Variants in BAIAP2 observed in about 807,000 individuals in gnomAD.
BAIAP2 encodes BAR/IMD domain containing adaptor protein 2.
A neutral mutation model predicts 63.0 loss-of-function variants in BAIAP2; 18 were observed. The ratio of observed to expected loss-of-function variants is 0.29; its 90% CI spans 0.20 to 0.42. BAIAP2 has a LOEUF of 0.42. BAIAP2 is among the 10% of genes least tolerant of loss of function. The pLI is 1.00. For missense variants in BAIAP2, 610 were observed against 734.3 expected (o/e 0.83, Z 1.96); for synonymous variants, 386 against 307.6 (o/e 1.25, Z -2.67).
rs2047789860 is a variant in BAIAP2 at position 81,046,247 on chromosome 17, A to C, written c.55-7421A>C. On this transcript the variant is annotated intron_variant, in intron 1 of 13. Transcript: ENST00000428708. The surrounding 1 kb of genome is among the most constrained non-coding windows in gnomAD (Gnocchi z 4.5). Reference sequence around the variant, plus strand: ...AACCCTGCGCGCCGTTTCCTCCCAGAAACTTCCATGCATCCCCTCGTTTCC... The same window carrying C: ...AACCCTGCGCGCCGTTTCCTCCCAGCAACTTCCATGCATCCCCTCGTTTCC... 1.3e-5 allele frequency among the ~76,000 whole-genome samples: 2 copies of C among 152,044 alleles called. No homozygotes were observed. Among genetic ancestry groups the C allele is most frequent in the Non-Finnish European group, 2.9e-5 (2 of 67,988 alleles).
At chr17:81,066,091 A>G (rs865869073) in intron 3 of BAIAP2, among the ~76,000 whole-genome samples, 4 of 152,172 alleles carry the variant, frequency 2.6e-5, no homozygotes, top group Non-Finnish European at 5.9e-5. Flanking sequence ...GCCACGGAAC[A>G]CCTGAGCCAG....
At chr17:81,070,893 C>T (rs1037798642) in intron 3 of BAIAP2, among the ~76,000 whole-genome samples, 2 of 152,198 alleles carry the variant, frequency 1.3e-5, no homozygotes, top group Non-Finnish European at 2.9e-5. Context: ...TCCTTGGAGC[C>T]GGCGGGTTGG....
chr17:81,107,966 C>T (rs62073013), intron 12 of BAIAP2: 36,726 of 166,360 alleles, frequency 0.22, 4,793 homozygotes, highest in South Asian at 0.35. Flanking sequence ...CAGCCAGCCC[C>T]AGCGCCACAC....
intron 3 of BAIAP2, among the ~76,000 whole-genome samples, chr17:81,071,918 T>C (rs957498918): frequency 2.6e-5 from 4 of 152,258 alleles, no homozygotes; most frequent in Non-Finnish European, 1.5e-5. Flanking sequence ...TCTATGCCTC[T>C]GCAGAGTCTG....
At chr17:81,041,465 G>C (rs1393425013) in intron 1 of BAIAP2, among the ~76,000 whole-genome samples, 3 of 152,214 alleles carry the variant, frequency 2.0e-5, no homozygotes, top group Non-Finnish European at 2.9e-5. Context: ...GTTACAACAG[G>C]GTGCTTTTGC....
chr17:81,041,178 C>G (rs559005201), intron 1 of BAIAP2, among the ~76,000 whole-genome samples: 1 of 152,262 alleles, frequency 6.6e-6, no homozygotes, highest in Non-Finnish European at 1.5e-5. Context: ...CTTGGGCTTC[C>G]TGCCAGGCCT....
chr17:81,069,947 T>TTTGTTG (rs373352429), intron 3 of BAIAP2, among the ~76,000 whole-genome samples: 2,079 of 152,144 alleles, frequency 0.014, 44 homozygotes, highest in African/African-American at 0.047. Flanking sequence ...TTCTTGGTTT[T>TTTGTTG]TTGTTGTTGT....
chr17:81,057,914 C>A lies in BAIAP2; in HGVS notation c.164C>A (p.Ala55Asp). Residue 55 changes from alanine to aspartate, a missense_variant, in exon 3 of 14, where the codon GCC (alanine) becomes GAC (aspartate). Ala to Asp is a moderately radical substitution (Grantham distance 126). Transcript: ENST00000428708. ...VTYAAKGYFD[A>D]LVKMGELASE... is the part of the protein sequence containing the mutation. Reference sequence around the variant, plus strand: ...TATGCAGCCAAAGGCTACTTTGACGCCCTGGTGAAGATGGGGGAGCTGGCC... The same window carrying A: ...TATGCAGCCAAAGGCTACTTTGACGACCTGGTGAAGATGGGGGAGCTGGCC... 6.2e-7 allele frequency: 1 copy of A among 1,605,634 alleles called. No homozygotes were observed. Among genetic ancestry groups the A allele is most frequent in the Non-Finnish European group, 8.5e-7 (1 of 1,176,296 alleles).
In BAIAP2 at chr17:81,104,149, G is replaced by A. The variant is rs11658439; in HGVS notation, c.1066+41G>A. ...GGGTGTTGGGCTGGGGTCCCTGGAC[G>A]TGCCTCCTCAGACCCTACAGTCATG... On this transcript the variant is annotated intron_variant, in intron 9 of 13. Coordinates refer to ENST00000428708, the MANE Select transcript of BAIAP2 (RefSeq NM_001144888.2). The A allele has an allele frequency of 5.2e-3, 8,352 of 1,603,296 alleles. 31 individuals are homozygous for A. Among genetic ancestry groups the A allele is most frequent in the Non-Finnish European group, 6.6e-3 (7,796 of 1,172,766 alleles).
At chr17:81,056,330 C>T (rs1568086306) in intron 2 of BAIAP2, 1 of 152,190 alleles carries the variant, frequency 6.6e-6, no homozygotes. Flanking sequence ...AATCCAGAGT[C>T]CAGATGATCC....
intron 6 of BAIAP2, chr17:81,098,102 C>T (rs1283653225): frequency 9.5e-6 from 13 of 1,364,688 alleles, no homozygotes; most frequent in South Asian, 3.5e-5. Context: ...GAGGGGCCAG[C>T]GGGGGGTGGG....
chr17:81,036,781 T>A, intron 1 of BAIAP2: 1 of 1,230,500 alleles, frequency 8.1e-7, no homozygotes, highest in South Asian at 1.3e-5. Flanking sequence ...CTTGTTGCTC[T>A]GTGGAAGCAC....
chr17:81,039,234 G>A (rs903524655), intron 1 of BAIAP2, among the ~76,000 whole-genome samples: 4 of 152,270 alleles, frequency 2.6e-5, no homozygotes, highest in East Asian at 1.9e-4. Flanking sequence ...CACAAAGACC[G>A]GCTGCCGTGT....
At chr17:81,035,806 C>T (rs930965948) in intron 1 of BAIAP2, among the ~76,000 whole-genome samples, 2 of 152,112 alleles carry the variant, frequency 1.3e-5, no homozygotes, top group Non-Finnish European at 2.9e-5. Flanking sequence ...TGGGGCTCCT[C>T]CAGGCGCGGT....
At chr17:81,048,005 CAG>C (rs1271978143) in intron 1 of BAIAP2, among the ~76,000 whole-genome samples, 2 of 152,352 alleles carry the variant, frequency 1.3e-5, no homozygotes, top group African/African-American at 4.8e-5. Context: ...TCTCTGTCAG[CAG>C]AGAGACTGCT....
chr17:81,053,384 C>CATGCAA (rs1239602990), intron 1 of BAIAP2: 7 of 454,362 alleles, frequency 1.5e-5, no homozygotes, highest in Non-Finnish European at 4.0e-6. Flanking sequence ...CCTGCTGCAC[C>CATGCAA]ATGCAAATGC....
At chr17:81,085,287 G>C in intron 4 of BAIAP2, 4 of 508,236 alleles carry the variant, frequency 7.9e-6, no homozygotes, top group Non-Finnish European at 1.1e-5. Flanking sequence ...GCAGCATCCT[G>C]TCTAAAGCCA....
chr17:81,082,199 G>A (rs1362010390), intron 3 of BAIAP2, among the ~76,000 whole-genome samples: 3 of 152,094 alleles, frequency 2.0e-5, no homozygotes, highest in East Asian at 1.9e-4. Flanking sequence ...CTCGGGTCAC[G>A]GCCAGGCACA....
chr17:81,086,348 T>C, intron 5 of BAIAP2, 95 bp from the exon 6 acceptor site: 2 of 1,487,828 alleles, frequency 1.3e-6, no homozygotes, highest in Non-Finnish European at 1.8e-6. Flanking sequence ...GGGACCCCGT[T>C]GCGTTGGGCT....
Sources: allele counts gnomAD v4.1 joint callset (sites outside exome capture counted in the v4.1 genomes callset), GRCh38; gene constraint gnomAD v4.1.1; non-coding constraint Gnocchi (gnomAD v3.1); transcripts MANE v1.5; gene names NCBI Gene and HGNC (gene_info 2026-07-23, HGNC 2026-07-21).